The following TNC variants were observed in gnomAD, a reference collection of about 807,000 sequenced individuals.
TNC encodes the protein tenascin.
Under a neutral mutation model 202.4 loss-of-function variants are expected in TNC, and 109 were observed. That is an observed-to-expected ratio of 0.54 (90% CI 0.46 to 0.63). TNC has a LOEUF of 0.63. TNC is among the 30% of genes least tolerant of loss of function. The probability of loss-of-function intolerance (pLI) is 0.00; values close to 1 mark genes in which losing one functional copy is unlikely to be tolerated. For missense variants in TNC, 2,756 were observed against 2,833.3 expected, an observed-to-expected ratio of 0.97 and a Z score of 0.62; for synonymous variants, 1,007 against 1,089.7, an observed-to-expected ratio of 0.92 and a Z score of 1.50.
At chr9:115,074,582 G>A (rs1323448268) in intron 9 of TNC, among the ~76,000 whole-genome samples, 3 of 152,148 alleles carry the variant, frequency 2.0e-5, no homozygotes, top group Non-Finnish European at 2.9e-5. Context: ...ATATGTGTAG[G>A]ATCCCATTTA....
At chr9:115,071,564 A>C (rs7031827) in intron 10 of TNC, among the ~76,000 whole-genome samples, 40,968 of 151,936 alleles carry the variant, frequency 0.27, 5,849 homozygotes, top group African/African-American at 0.37. Flanking sequence ...GTGACTGCGC[A>C]GGTGTGAGGT....
intron 24 of TNC, 126 bp from the exon 25 acceptor site, chr9:115,029,582 CT>C: frequency 2.1e-6 from 2 of 954,116 alleles, no homozygotes; most frequent in Non-Finnish European, 1.6e-6. Flanking sequence ...CCCTAATTTG[CT>C]ATGTAACTTT....
At chr9:115,084,579 T>C (rs1834566032) in intron 3 of TNC, 107 bp from the exon 4 acceptor site, 1 of 1,345,502 alleles carries the variant, frequency 7.4e-7, no homozygotes, top group South Asian at 1.5e-5. Context: ...GGTCTGAAGA[T>C]CTTCTGTTGC....
chr9:115,084,225 G>A lies in TNC; in HGVS notation c.2115C>T (p.Ser705=), dbSNP rs146147832. The change falls in exon 4 of 28, where the codon AGC becomes AGT. Residue 705 remains serine, a synonymous_variant. Transcript: ENST00000350763. ...CTCACTCACACGTGGCCACCCTGGC[G>A]CTGACAGGAATGCTCTTCTTGTTCT... The part of the protein sequence containing the change: ...ILENKKSIPV[S]ARVATYLPAP... The A allele has an allele frequency of 3.3e-5, 53 of 1,614,080 alleles. No homozygotes were observed. The highest frequency in any genetic ancestry group is 5.0e-5 in the Admixed American group (3 of 60,026).
At chr9:115,088,426 T>C (rs1388072060) in intron 2 of TNC, among the ~76,000 whole-genome samples, 1 of 152,216 alleles carries the variant, frequency 6.6e-6, no homozygotes, top group Admixed American at 6.5e-5. Context: ...TGCCTTTATC[T>C]TTTATTTCTT....
At chr9:115,076,354 C>T in intron 8 of TNC, 36 bp downstream of exon 8, 1 of 1,609,414 alleles carries the variant, frequency 6.2e-7, no homozygotes, top group Non-Finnish European at 8.5e-7. Context: ...CCCTCTAGGG[C>T]TGGCTGGCTC....
intron 17 of TNC, among the ~76,000 whole-genome samples, chr9:115,044,384 G>GACACACACACAC (rs113847516): frequency 9.2e-4 from 136 of 147,218 alleles, no homozygotes; most frequent in South Asian, 2.2e-3. Context: ...CAGGCATGTA[G>GACACACACACAC]ACACACACAC....
In TNC at chr9:115,057,324, T is replaced by A; in HGVS notation, c.4408A>T (p.Ile1470Phe). The change falls in exon 15 of 28, where the codon ATT (isoleucine) becomes TTT (phenylalanine). Residue 1470 changes from isoleucine (I) to phenylalanine (F), a missense_variant. Coordinates refer to ENST00000350763, the MANE Select transcript of TNC (RefSeq NM_002160.4). ...AACCTATTGGAATCAATAATTTCAA[T>A]GGTAAAGGTCTCGAAGATCCCATCG... is the stretch of plus-strand genomic sequence containing the variant. ...ATDGIFETFT[I>F]EIIDSNRLLE... is the part of the protein sequence containing the mutation. 1 of 1,614,216 alleles carries A rather than the reference T, an allele frequency of 6.2e-7. No individual in the cohort carries two copies. The highest frequency in any genetic ancestry group is 8.5e-7 in the Non-Finnish European group (1 of 1,180,044).
At chr9:115,030,116 A>T (rs1829832188) in intron 24 of TNC, 138 bp downstream of exon 24, 2 of 856,654 alleles carry the variant, frequency 2.3e-6, no homozygotes, top group Non-Finnish European at 3.5e-6. Context: ...CCTCTGTGTG[A>T]CAGGCACTAT....
intron 4 of TNC, among the ~76,000 whole-genome samples, chr9:115,083,111 G>A (rs928694078): frequency 3.9e-5 from 6 of 152,162 alleles, no homozygotes; most frequent in African/African-American, 1.4e-4. Flanking sequence ...GTGAACTTGA[G>A]CAATTGCACA....
intron 1 of TNC, among the ~76,000 whole-genome samples, chr9:115,111,434 A>C (rs115714995): frequency 0.012 from 1,266 of 104,346 alleles, 47 homozygotes; most frequent in African/African-American, 0.05. Context: ...TTGAGATGGA[A>C]TCTCGCTCTT....
intron 15 of TNC, chr9:115,055,836 A>G (rs1274596043): frequency 1.3e-5 from 2 of 152,382 alleles, no homozygotes; most frequent in African/African-American, 4.8e-5. Context: ...GACTAAATCC[A>G]TAAAGTTTTA....
chr9:115,098,613 G>T (rs962950686), intron 1 of TNC, among the ~76,000 whole-genome samples: 5 of 152,146 alleles, frequency 3.3e-5, no homozygotes, highest in African/African-American at 9.7e-5. Flanking sequence ...GTAGCTCATG[G>T]AATATATTTA....
At chr9:115,101,758 C>G (rs750997751) in intron 1 of TNC, among the ~76,000 whole-genome samples, 14 of 152,124 alleles carry the variant, frequency 9.2e-5, no homozygotes, top group Non-Finnish European at 2.9e-5. Flanking sequence ...ATATCATACA[C>G]AAGCAAGGTC....
intron 26 of TNC, 53 bp downstream of exon 26, chr9:115,026,481 T>A: frequency 1.3e-6 from 2 of 1,564,810 alleles, no homozygotes; most frequent in Non-Finnish European, 1.7e-6. Context: ...AAACTGTAAA[T>A]GTCAAGAAGG....
At chr9:115,079,756 T>C (rs1402008050) in intron 6 of TNC, among the ~76,000 whole-genome samples, 1 of 152,222 alleles carries the variant, frequency 6.6e-6, no homozygotes, top group Admixed American at 6.5e-5. Context: ...ATGGTAAAGA[T>C]GGAATTCAAA....
intron 15 of TNC, among the ~76,000 whole-genome samples, chr9:115,054,748 G>A (rs1831973267): frequency 6.6e-6 from 1 of 152,160 alleles, no homozygotes. Context: ...GGACATGCTA[G>A]CTGCTTCCAG....
chr9:115,023,767 C>T (rs1369308502), intron 27 of TNC, among the ~76,000 whole-genome samples: 1 of 152,216 alleles, frequency 6.6e-6, no homozygotes, highest in Non-Finnish European at 1.5e-5. Flanking sequence ...GTCCTTGGGA[C>T]TGTCAAGGGT....
intron 4 of TNC, among the ~76,000 whole-genome samples, chr9:115,083,170 G>A (rs1755638): frequency 0.47 from 71,798 of 151,712 alleles, 17,400 homozygotes; most frequent in African/African-American, 0.57. Context: ...AGGTAAATAT[G>A]TCTACTTCTT....
Sources: gnomAD v4.1 joint callset for allele counts (sites outside exome capture counted in the v4.1 genomes callset) on GRCh38, gnomAD v4.1.1 for gene constraint, MANE v1.5 for transcripts, NCBI Gene and HGNC (gene_info 2026-07-23, HGNC 2026-07-21) for gene names.